The following TRAPPC2L variants were observed in gnomAD, a reference collection of about 807,000 sequenced individuals.
TRAPPC2L encodes trafficking protein particle complex subunit 2L, also known as trafficking protein particle complex subunit 2-like protein.
Under a neutral mutation model 13.2 loss-of-function variants are expected in TRAPPC2L, and 17 were observed. The observed-to-expected ratio is 1.29, with a 90% CI of 0.88 to 1.93. TRAPPC2L has a LOEUF of 1.93. Ranked by LOEUF, TRAPPC2L falls within the 30% of genes most tolerant of loss-of-function variation. The probability of loss-of-function intolerance (pLI) is 0.00; values close to 1 mark genes in which losing one functional copy is unlikely to be tolerated. For synonymous variants in TRAPPC2L, 150 were observed against 98.1 expected, an observed-to-expected ratio of 1.53 and a Z score of -3.12; for missense variants, 359 against 252.1, an observed-to-expected ratio of 1.42 and a Z score of -2.87.
rs1968252014 is a variant in TRAPPC2L, at chr16:88,859,869, C to G, written c.295-24C>G. The G allele has an allele frequency of 2.5e-6, 4 of 1,573,610 alleles. No individual in the cohort carries two copies. The highest frequency in any genetic ancestry group is 3.4e-6 in the Non-Finnish European group (4 of 1,161,906). ...AGTGGCTGTGTGTATGTGGCAAGGT[C>G]ATGGTTTGCTGGGTCTTTTTCAGAT... On this transcript the variant is annotated intron_variant, in intron 3 of 3. Transcript: ENST00000565504.
At chr16:88,858,035 G>A (rs1035138807) in intron 1 of TRAPPC2L, among the ~76,000 whole-genome samples, 3 of 152,192 alleles carry the variant, frequency 2.0e-5, no homozygotes, top group African/African-American at 7.2e-5. Flanking sequence ...CACTCCCCAC[G>A]AGGGTAGCGA....
intron 1 of TRAPPC2L, 127 bp from the exon 2 acceptor site, chr16:88,858,492 G>C: frequency 2.1e-6 from 2 of 931,374 alleles, no homozygotes. Flanking sequence ...AGAATGAAGC[G>C]GTGGGCCTTA....
chr16:88,858,073 G>C (rs980290137), intron 1 of TRAPPC2L, among the ~76,000 whole-genome samples: 1 of 152,230 alleles, frequency 6.6e-6, no homozygotes, highest in East Asian at 1.9e-4. Flanking sequence ...ATTTGTGCAG[G>C]ACCCAGTGCT....
chr16:88,856,945 G>A (rs144789309), upstream of TRAPPC2L: 2,569 of 1,453,252 alleles, frequency 1.8e-3, 44 homozygotes, highest in African/African-American at 0.033. Flanking sequence ...GGCCCTTCCG[G>A]CTGGGCTGCG....
chr16:88,858,450 A>AT (rs1003203918), intron 1 of TRAPPC2L, among the ~76,000 whole-genome samples, 169 bp from the exon 2 acceptor site: 22 of 152,138 alleles, frequency 1.4e-4, no homozygotes, highest in Non-Finnish European at 8.8e-5. Flanking sequence ...GTTAGCTGGG[A>AT]TCCCCTGAAG....
chr16:88,858,378 A>AT (rs1357971362), intron 1 of TRAPPC2L, among the ~76,000 whole-genome samples: 3 of 151,960 alleles, frequency 2.0e-5, no homozygotes, highest in Non-Finnish European at 4.4e-5. Context: ...TTTCTGATTC[A>AT]TTTTTTCTTT....
At chr16:88,856,266 G>C (rs1160048252), upstream of TRAPPC2L, 1 of 703,040 alleles carries the variant, frequency 1.4e-6, no homozygotes, top group Non-Finnish European at 2.6e-6. Context: ...GAGCCCAGCG[G>C]GGGGACCCGG....
At chr16:88,856,548 C>G (rs1240524201), upstream of TRAPPC2L, 10 of 689,000 alleles carry the variant, frequency 1.5e-5, no homozygotes, top group Non-Finnish European at 2.6e-5. Flanking sequence ...CGCGGCCACT[C>G]CCCGAGGGGC....
exon 4 of TRAPPC2L, chr16:88,861,726 C>A (rs900420044): frequency 2.2e-6 from 1 of 461,438 alleles, no homozygotes; most frequent in Non-Finnish European, 4.4e-6. Flanking sequence ...AAGGCTCAGC[C>A]CGCTGAGGGG....
At chr16:88,856,602 C>T, upstream of TRAPPC2L, 1 of 574,752 alleles carries the variant, frequency 1.7e-6, no homozygotes, top group African/African-American at 1.9e-5. Context: ...CCTCCCCCTC[C>T]TCCTCCCCGC....
intron 2 of TRAPPC2L, 38 bp downstream of exon 2, chr16:88,858,829 A>T (rs1393306817): frequency 6.3e-7 from 1 of 1,588,934 alleles, no homozygotes. Flanking sequence ...GGGAGGACCT[A>T]CAGTTGCAAG....
exon 4 of TRAPPC2L, chr16:88,860,880 G>C (rs1378774820): frequency 6.3e-7 from 1 of 1,575,710 alleles, no homozygotes; most frequent in African/African-American, 1.3e-5. Context: ...GGAGGGCCTG[G>C]CTCTCCTCTG....
chr16:88,856,267 G>A (rs992770698), upstream of TRAPPC2L: 2 of 703,038 alleles, frequency 2.8e-6, no homozygotes, highest in Admixed American at 4.0e-5. Flanking sequence ...AGCCCAGCGG[G>A]GGGACCCGGC....
exon 4 of TRAPPC2L, chr16:88,861,446 AT>A: frequency 2.9e-6 from 1 of 347,098 alleles, no homozygotes; most frequent in South Asian, 2.1e-5. Context: ...CTTGGCCTCC[AT>A]TCTTTGCATC....
chr16:88,861,791 C>T (rs1490506232), exon 4 of TRAPPC2L: 2 of 406,362 alleles, frequency 4.9e-6, no homozygotes, highest in South Asian at 1.7e-5. Flanking sequence ...TTCTCAAGGA[C>T]CTTGAGGACC....
At chr16:88,858,555 G>A in intron 1 of TRAPPC2L, 64 bp from the exon 2 acceptor site, 1 of 1,567,006 alleles carries the variant, frequency 6.4e-7, no homozygotes, top group South Asian at 1.2e-5. Flanking sequence ...CTGCAGCATA[G>A]TTCAGAGCTG....
At chr16:88,859,480 A>T (rs1968217969) in intron 2 of TRAPPC2L, 183 bp from the exon 3 acceptor site, 2 of 719,864 alleles carry the variant, frequency 2.8e-6, no homozygotes, top group Middle Eastern at 2.3e-4. Context: ...TTCTCCTGCA[A>T]ACACCAGACG....
intron 2 of TRAPPC2L, chr16:88,859,162 T>G: frequency 2.3e-6 from 1 of 431,492 alleles, no homozygotes; most frequent in African/African-American, 2.0e-5. Context: ...TTGCCTCTTA[T>G]GTCACTAGAC....
chr16:88,858,623 A>AC lies in TRAPPC2L; in HGVS notation c.43dup (p.Leu15ProfsTer27). The AC allele has an allele frequency of 8.1e-6, 13 of 1,612,330 alleles. No individual in the cohort carries two copies. Among genetic ancestry groups the AC allele is most frequent in the Non-Finnish European group, 8.5e-6 (10 of 1,179,526 alleles). On this transcript the variant is annotated frameshift_variant, in exon 2 of 4. Transcript: ENST00000565504. LOFTEE classifies it high-confidence loss of function. ...CGCCGTCATCCTTTCTTGCAGAATT[A>AC]CCCCCTCTACATTCGCAGCACCCCT...
Sources: gnomAD v4.1 joint callset for allele counts (sites outside exome capture counted in the v4.1 genomes callset) on GRCh38, gnomAD v4.1.1 for gene constraint, MANE v1.5 for transcripts, NCBI Gene and HGNC (gene_info 2026-07-23, HGNC 2026-07-21) for gene names.